Variants in SGCZ observed in about 807,000 individuals in gnomAD.
SGCZ encodes zeta-sarcoglycan.
In SGCZ, 40 loss-of-function variants were observed where a neutral mutation model predicts 41.3. The ratio of observed to expected loss-of-function variants is 0.97; its 90% CI spans 0.75 to 1.26. SGCZ has a LOEUF of 1.26. Ranked by LOEUF, SGCZ falls within the 50% of genes most tolerant of loss-of-function variation. The pLI is 0.00. For synonymous variants in SGCZ, 206 were observed against 137.5 expected (o/e 1.50, Z -3.49); for missense variants, 552 against 369.8 (o/e 1.49, Z -4.04).
chr8:14,152,145 A>G (rs1178404533), intron 5 of SGCZ, among the ~76,000 whole-genome samples: 1 of 151,434 alleles, frequency 6.6e-6, no homozygotes, highest in South Asian at 2.1e-4. Context: ...AAAACAAGCT[A>G]TGAGAGTAGG....
At chr8:14,298,420 A>G (rs1042583091) in intron 3 of SGCZ, among the ~76,000 whole-genome samples, 1 of 152,024 alleles carries the variant, frequency 6.6e-6, no homozygotes, top group Non-Finnish European at 1.5e-5. Flanking sequence ...TTTGTAGACA[A>G]GATAATTTAC....
intron 1 of SGCZ, among the ~76,000 whole-genome samples, chr8:14,743,227 A>T (rs544472530): frequency 1.3e-5 from 2 of 152,168 alleles, no homozygotes; most frequent in Admixed American, 6.6e-5. Context: ...AAATGTTATC[A>T]TTGATGATAT....
chr8:15,108,985 A>G (rs1469760644), intron 1 of SGCZ, among the ~76,000 whole-genome samples: 1 of 152,148 alleles, frequency 6.6e-6, no homozygotes, highest in Non-Finnish European at 1.5e-5. Context: ...TTGGGTTTCA[A>G]TTTTCTCCAT....
Position 14,775,509 on chromosome 8 carries a change from G to A in SGCZ, c.40-220583C>T, listed in dbSNP as rs555120102. Among the ~76,000 whole-genome samples, 7 of 150,344 alleles carry A rather than the reference G, an allele frequency of 4.7e-5. 1 individual carries two copies. In the South Asian group the frequency reaches 6.3e-4, roughly 13 times the overall value. On this transcript the variant is annotated intron_variant, in intron 1 of 7. Transcript: ENST00000382080. ...TGTGTGTGTGTGTGTGTACACAGGGGGGAATAGAGATCATGAGGAAAGGTA... is the reference window on the plus strand; with the variant it reads ...TGTGTGTGTGTGTGTGTACACAGGGAGGAATAGAGATCATGAGGAAAGGTA...
At chr8:14,780,512 C>G (rs1032127678) in intron 1 of SGCZ, among the ~76,000 whole-genome samples, 2 of 151,964 alleles carry the variant, frequency 1.3e-5, no homozygotes, top group African/African-American at 4.8e-5. Context: ...CTTGTATCTA[C>G]TAGGTCATGT....
intron 2 of SGCZ, among the ~76,000 whole-genome samples, chr8:14,474,009 C>T (rs1801287380): frequency 6.6e-6 from 1 of 151,486 alleles, no homozygotes; most frequent in South Asian, 2.1e-4. Context: ...GTTTTAATTG[C>T]CAAATTTTGC....
chr8:14,292,848 C>T (rs759417446), intron 3 of SGCZ, among the ~76,000 whole-genome samples: 2 of 151,846 alleles, frequency 1.3e-5, no homozygotes, highest in East Asian at 3.9e-4. Flanking sequence ...ATAGAGTAAT[C>T]CCTCTGTCTC....
At chr8:14,718,215 G>C (rs1387841527) in intron 1 of SGCZ, among the ~76,000 whole-genome samples, 2 of 151,552 alleles carry the variant, frequency 1.3e-5, no homozygotes, top group African/African-American at 2.4e-5. Flanking sequence ...TTTAAAAGAT[G>C]GTTTTTCTTT....
intron 1 of SGCZ, among the ~76,000 whole-genome samples, chr8:15,058,384 T>C (rs1804793294): frequency 6.6e-6 from 1 of 152,156 alleles, no homozygotes; most frequent in Admixed American, 6.5e-5. Flanking sequence ...AAGTTTCTGC[T>C]TTGATGGGAT....
intron 2 of SGCZ, among the ~76,000 whole-genome samples, chr8:14,346,865 A>G (rs1236523674): frequency 6.6e-6 from 1 of 152,086 alleles, no homozygotes; most frequent in Non-Finnish European, 1.5e-5. Context: ...AATAAAGTTT[A>G]GGGCGTTTCC....
At chr8:15,220,813 C>T (rs1243054873) in intron 1 of SGCZ, among the ~76,000 whole-genome samples, 2 of 152,142 alleles carry the variant, frequency 1.3e-5, no homozygotes, top group Non-Finnish European at 2.9e-5. Flanking sequence ...CACATATACA[C>T]CACGGAATAC....
At chr8:14,208,503 A>C (rs1053077091) in intron 4 of SGCZ, among the ~76,000 whole-genome samples, 1 of 152,246 alleles carries the variant, frequency 6.6e-6, no homozygotes, top group African/African-American at 2.4e-5. Flanking sequence ...TAATTTTGTC[A>C]ACCACATTAA....
At chr8:14,353,696 C>G (rs1448312032) in intron 2 of SGCZ, among the ~76,000 whole-genome samples, 1 of 152,066 alleles carries the variant, frequency 6.6e-6, no homozygotes, top group Admixed American at 6.6e-5. Flanking sequence ...TGATAACCTT[C>G]TAACTGGTCT....
At chr8:14,217,421 T>G (rs2117111377) in intron 4 of SGCZ, among the ~76,000 whole-genome samples, 1 of 151,768 alleles carries the variant, frequency 6.6e-6, no homozygotes, top group Admixed American at 6.6e-5. Context: ...CTGGCATAGA[T>G]ATTGTATGGT....
At chr8:14,871,613 G>A (rs1483739117) in intron 1 of SGCZ, among the ~76,000 whole-genome samples, 2 of 151,882 alleles carry the variant, frequency 1.3e-5, no homozygotes, top group African/African-American at 2.4e-5. Flanking sequence ...AGACCATCCT[G>A]GCCAACACAG....
chr8:14,826,346 G>A (rs1585295846), intron 1 of SGCZ, among the ~76,000 whole-genome samples: 2 of 152,118 alleles, frequency 1.3e-5, no homozygotes, highest in East Asian at 3.9e-4. Context: ...TTGGACATTT[G>A]GCTTGGTTCC....
At chr8:14,467,548 T>C (rs1223857747) in intron 2 of SGCZ, among the ~76,000 whole-genome samples, 2 of 152,074 alleles carry the variant, frequency 1.3e-5, no homozygotes, top group African/African-American at 4.8e-5. Context: ...AGATGGGTAG[T>C]TGCTACTGTG....
Position 14,437,932 on chromosome 8 carries a change from TTTGTG to T in SGCZ, c.235-113733_235-113729del, listed in dbSNP as rs527700403. Among the ~76,000 whole-genome samples the T allele has an allele frequency of 9.9e-5, 15 of 152,044 alleles. No homozygotes were observed. The South Asian group carries it at 3.1e-3, about 32-fold the overall frequency. ...AGATGTAAAGCTAGATGATTACCGA[TTTGTG>T]TTGTAAATAGTTTGGCATATAAAAT... On this transcript the variant is annotated intron_variant, in intron 2 of 7. Transcript: ENST00000382080.
intron 1 of SGCZ, among the ~76,000 whole-genome samples, chr8:15,020,091 C>A (rs1228614210): frequency 6.6e-6 from 1 of 151,850 alleles, no homozygotes; most frequent in East Asian, 1.9e-4. Flanking sequence ...GTACTTTTAA[C>A]ATAGAAGAGA....
Sources: gnomAD v4.1 joint callset for allele counts (sites outside exome capture counted in the v4.1 genomes callset) on GRCh38, gnomAD v4.1.1 for gene constraint, MANE v1.5 for transcripts, NCBI Gene and HGNC (gene_info 2026-07-23, HGNC 2026-07-21) for gene names.